Variants in GRM5 observed in about 807,000 individuals in gnomAD.
The protein encoded by GRM5 is glutamate metabotropic receptor 5.
A neutral mutation model predicts 83.1 loss-of-function variants in GRM5; 19 were observed. The ratio of observed to expected loss-of-function variants is 0.23; its 90% confidence interval spans 0.16 to 0.34. The LOEUF is 0.34. Ranked by LOEUF, GRM5 falls within the 10% of genes least tolerant of loss-of-function variation. GRM5 has a pLI of 1.00. For synonymous variants in GRM5, 675 were observed against 633.6 expected, an observed-to-expected ratio of 1.07 and a Z score of -0.98; for missense variants, 1,160 against 1,588.3, an observed-to-expected ratio of 0.73 and a Z score of 4.58.
intron 2 of GRM5, among the ~76,000 whole-genome samples, chr11:88,962,419 A>G (rs1938814457): frequency 6.6e-6 from 1 of 152,168 alleles, no homozygotes; most frequent in Non-Finnish European, 1.5e-5. Context: ...CATACACTAA[A>G]TAATTCATTC....
At chr11:88,768,693 A>G (rs767781853) in intron 3 of GRM5, among the ~76,000 whole-genome samples, 2 of 151,936 alleles carry the variant, frequency 1.3e-5, no homozygotes, top group Non-Finnish European at 2.9e-5. Context: ...TCCTTATATG[A>G]AAGAGACAAG....
At chr11:88,756,445 T>C (rs1942395564) in intron 3 of GRM5, among the ~76,000 whole-genome samples, 1 of 152,106 alleles carries the variant, frequency 6.6e-6, no homozygotes, top group African/African-American at 2.4e-5. Context: ...GTTATTCACA[T>C]GGCATTTGTA....
At chr11:88,687,252 A>G (rs1398620651) in intron 3 of GRM5, among the ~76,000 whole-genome samples, 1 of 151,446 alleles carries the variant, frequency 6.6e-6, no homozygotes, top group Non-Finnish European at 1.5e-5. Flanking sequence ...AGGCAGGAGG[A>G]TCATGAAGTC....
At chr11:88,646,803 C>G (rs1939467110) in intron 4 of GRM5, among the ~76,000 whole-genome samples, 1 of 151,422 alleles carries the variant, frequency 6.6e-6, no homozygotes, top group African/African-American at 2.4e-5. Flanking sequence ...TCTTTTGTTG[C>G]CTAGGATACT....
chr11:88,586,578 GC>G (rs1943320106), intron 7 of GRM5, among the ~76,000 whole-genome samples: 1 of 152,108 alleles, frequency 6.6e-6, no homozygotes, highest in South Asian at 2.1e-4. Context: ...CCTAAAACTG[GC>G]CCCAAGCCTT....
At chr11:88,921,024 T>A (rs621230) in intron 2 of GRM5, among the ~76,000 whole-genome samples, 1 of 151,856 alleles carries the variant, frequency 6.6e-6, no homozygotes, top group South Asian at 2.1e-4. Context: ...TAGAATCTAT[T>A]GTACCCTCAG....
chr11:88,590,456 T>C, intron 7 of GRM5, 145 bp downstream of exon 7: 1 of 647,280 alleles, frequency 1.5e-6, no homozygotes, highest in Non-Finnish European at 2.7e-6. Context: ...AGCTCAGACT[T>C]TGGGAAGCTT....
At position 88,942,895 on chromosome 11, in the gene GRM5, T is replaced by C. The variant is rs533544994; in HGVS notation, c.662-92740A>G. On this transcript the variant is annotated intron_variant, in intron 2 of 9. Coordinates refer to ENST00000305447, the MANE Select transcript of GRM5 (RefSeq NM_001143831.3). ...TCACTTTTATTTTGTTCTAATAAAC[T>C]ACAGGATACAAAGTAGAATGCCAGA... Among the ~76,000 whole-genome samples the C allele has an allele frequency of 4.6e-5, 7 of 152,166 alleles. No homozygotes were observed. The South Asian group carries it at 1.5e-3, about 32-fold the overall frequency.
At position 88,516,105 on chromosome 11, in the gene GRM5, A is replaced by G. The variant is rs1460247479; in HGVS notation, c.2727-6601T>C. On this transcript the variant is annotated intron_variant, in intron 9 of 9. Transcript: ENST00000305447. ...CATTGCAAGGGCAGATGCTACATGT[A>G]TCTCCTGTGCTTAATATGGTGTCTG... 2.0e-5 allele frequency among the ~76,000 whole-genome samples: 3 copies of G among 152,246 alleles called. No individual in the cohort carries two copies. In the East Asian group the frequency reaches 5.8e-4, roughly 29 times the overall value.
intron 2 of GRM5, among the ~76,000 whole-genome samples, chr11:88,943,610 A>G (rs1938182846): frequency 6.6e-6 from 1 of 152,050 alleles, no homozygotes; most frequent in South Asian, 2.1e-4. Context: ...CAAGCTCCCA[A>G]GTGGGAACTC....
chr11:88,743,630 G>A (rs960398477), intron 3 of GRM5, among the ~76,000 whole-genome samples: 2 of 152,142 alleles, frequency 1.3e-5, no homozygotes, highest in East Asian at 1.9e-4. Flanking sequence ...GAGCCAGTGA[G>A]AGATATGATT....
At chr11:89,033,490 T>C (rs1377963948) in intron 2 of GRM5, among the ~76,000 whole-genome samples, 1 of 152,018 alleles carries the variant, frequency 6.6e-6, no homozygotes, top group South Asian at 2.1e-4. Context: ...TCCACTCATG[T>C]CCACTTTAGT....
At chr11:88,772,185 G>A (rs1016143098) in intron 3 of GRM5, among the ~76,000 whole-genome samples, 2 of 151,688 alleles carry the variant, frequency 1.3e-5, no homozygotes, top group African/African-American at 4.8e-5. Context: ...CATTATTATT[G>A]CTCTTAGTTT....
At chr11:88,829,391 G>A (rs1413346387) in intron 3 of GRM5, among the ~76,000 whole-genome samples, 2 of 152,144 alleles carry the variant, frequency 1.3e-5, no homozygotes, top group Non-Finnish European at 2.9e-5. Flanking sequence ...AATCTGGGAG[G>A]TGGAGGTTTC....
chr11:88,780,814 C>A (rs979981028), intron 3 of GRM5, among the ~76,000 whole-genome samples: 1 of 152,046 alleles, frequency 6.6e-6, no homozygotes, highest in African/African-American at 2.4e-5. Flanking sequence ...CCATGCCAGA[C>A]CCTGTATATT....
intron 8 of GRM5, among the ~76,000 whole-genome samples, chr11:88,534,792 G>A (rs1016005986): frequency 3.9e-5 from 6 of 152,202 alleles, no homozygotes; most frequent in Admixed American, 1.3e-4. Context: ...ATCTTCACTT[G>A]TACTCCCATG....
At chr11:88,765,832 A>G (rs1021717910) in intron 3 of GRM5, among the ~76,000 whole-genome samples, 1 of 151,888 alleles carries the variant, frequency 6.6e-6, no homozygotes, top group South Asian at 2.1e-4. Context: ...ACAACAAAAA[A>G]TAGACAAATT....
chr11:88,783,692 A>C (rs2135465858), intron 3 of GRM5, among the ~76,000 whole-genome samples: 1 of 152,204 alleles, frequency 6.6e-6, no homozygotes, highest in East Asian at 1.9e-4. Flanking sequence ...GGATGCTAGA[A>C]CATCCATGTG....
At chr11:88,540,146 CAGA>C (rs1942232732) in intron 8 of GRM5, among the ~76,000 whole-genome samples, 1 of 152,174 alleles carries the variant, frequency 6.6e-6, no homozygotes, top group African/African-American at 2.4e-5. Flanking sequence ...CTATCATACA[CAGA>C]AGTTCATTCA....
Sources: allele counts gnomAD v4.1 joint callset (sites outside exome capture counted in the v4.1 genomes callset), GRCh38; gene constraint gnomAD v4.1.1; transcripts MANE v1.5; gene names NCBI Gene and HGNC (gene_info 2026-07-23, HGNC 2026-07-21).